PLCB4: variants seen among roughly 807,000 people sequenced by gnomAD.
PLCB4 encodes the protein 1-phosphatidylinositol 4,5-bisphosphate phosphodiesterase beta-4.
A neutral mutation model predicts 178.8 loss-of-function variants in PLCB4; 77 were observed. That is an observed-to-expected ratio of 0.43 (90% CI 0.36 to 0.52). PLCB4 has a LOEUF of 0.52. Ranked by LOEUF, PLCB4 falls within the 20% of genes least tolerant of loss-of-function variation. PLCB4 has a pLI of 0.00. For missense variants in PLCB4, 1,024 were observed against 1,453.4 expected (o/e 0.70, Z 4.80); for synonymous variants, 496 against 490.8 (o/e 1.01, Z -0.14).
At chr20:9,408,197 A>AC (rs2039587838) in intron 22 of PLCB4, 139 bp downstream of exon 22, 1 of 714,884 alleles carries the variant, frequency 1.4e-6, no homozygotes, top group African/African-American at 1.8e-5. Flanking sequence ...TGTTTCACAG[A>AC]CCATAGAAGC....
chr20:9,337,489 A>G (rs2032620540), intron 5 of PLCB4, among the ~76,000 whole-genome samples: 1 of 152,176 alleles, frequency 6.6e-6, no homozygotes. Context: ...GCTTAATTTA[A>G]TCTTGGGAGT....
chr20:9,077,412 C>G (rs1476951806), intron 1 of PLCB4, among the ~76,000 whole-genome samples: 1 of 152,200 alleles, frequency 6.6e-6, no homozygotes, highest in Non-Finnish European at 1.5e-5. Context: ...TGTGGAACCT[C>G]TGATTATGCA....
At chr20:9,182,486 C>T (rs1410136483) in intron 2 of PLCB4, among the ~76,000 whole-genome samples, 1 of 152,178 alleles carries the variant, frequency 6.6e-6, no homozygotes. Flanking sequence ...TCTCAGTAAC[C>T]CGGGAACCTG....
At chr20:9,397,177 C>T (rs2038657557) in intron 19 of PLCB4, among the ~76,000 whole-genome samples, 1 of 152,210 alleles carries the variant, frequency 6.6e-6, no homozygotes. Context: ...CAACAATGCT[C>T]ACAGTATCTT....
At chr20:9,391,530 T>G (rs550032240) in intron 17 of PLCB4, among the ~76,000 whole-genome samples, 3 of 152,314 alleles carry the variant, frequency 2.0e-5, no homozygotes, top group African/African-American at 7.2e-5. Flanking sequence ...TATGAGGTTC[T>G]TTTCAGAAGT....
intron 3 of PLCB4, among the ~76,000 whole-genome samples, chr20:9,236,912 A>G (rs1848307596): frequency 6.6e-6 from 1 of 152,208 alleles, no homozygotes; most frequent in African/African-American, 2.4e-5. Context: ...CCAGCCACAT[A>G]CAGATTACTC....
At chr20:9,384,440 T>C (rs1568700610) in intron 14 of PLCB4, 29 bp downstream of exon 14, 1 of 1,476,536 alleles carries the variant, frequency 6.8e-7, no homozygotes, top group Non-Finnish European at 9.5e-7. Context: ...CAATTTGTTT[T>C]TTGTGTGTGA....
rs1359145352 is a variant in PLCB4, at chr20:9,459,795, A to G, written c.3233A>G (p.Lys1078Arg). Residue 1078 changes from lysine (K) to arginine (R), a missense_variant, in exon 35 of 40, where the codon AAA becomes AGA. This residue lies in a region of PLCB4 where 264 missense variants were observed against 283.2 expected (regional missense o/e 0.93). Coordinates refer to ENST00000378473, the MANE Select transcript of PLCB4 (RefSeq NM_001377142.1). ...NAHEQQTQQLKLSHDRESKEM... is the reference protein window; with the variant it reads ...NAHEQQTQQLRLSHDRESKEM... The stretch of plus-strand genomic sequence containing the variant: ...CACGAGCAGCAAACCCAGCAGCTGA[A>G]ACTGTCCCATGACAGGTGGGGGAAT... 1 of 1,607,678 alleles carries G rather than the reference A, an allele frequency of 6.2e-7. No individual in the cohort carries two copies. Among genetic ancestry groups the G allele is most frequent in the Non-Finnish European group, 8.5e-7 (1 of 1,174,782 alleles).
chr20:9,225,039 C>T (rs746481309), intron 3 of PLCB4, among the ~76,000 whole-genome samples: 5 of 152,082 alleles, frequency 3.3e-5, no homozygotes, highest in Middle Eastern at 3.2e-3. Context: ...ATGCTGAGTT[C>T]TGCAACTTAT....
At chr20:9,264,633 C>T (rs6118549) in intron 3 of PLCB4, among the ~76,000 whole-genome samples, 4,989 of 152,188 alleles carry the variant, frequency 0.033, 141 homozygotes, top group African/African-American at 0.068. Context: ...CTGTATTTAT[C>T]AAAACAGTTT....
intron 1 of PLCB4, among the ~76,000 whole-genome samples, chr20:9,076,189 G>C (rs553552790): frequency 1.3e-5 from 2 of 152,048 alleles, no homozygotes; most frequent in African/African-American, 2.4e-5. Context: ...ACACCTGGCC[G>C]GGCGCGATGG....
upstream of PLCB4, chr20:9,068,737 G>GA (rs1242594172): frequency 6.6e-6 from 1 of 151,392 alleles, no homozygotes; most frequent in African/African-American, 2.4e-5. Flanking sequence ...CGGGAGGCGA[G>GA]AACGAGGAGG....
At chr20:9,352,204 T>C (rs1235346956) in intron 7 of PLCB4, among the ~76,000 whole-genome samples, 1 of 152,244 alleles carries the variant, frequency 6.6e-6, no homozygotes, top group East Asian at 1.9e-4. Flanking sequence ...AGTTGGTCTG[T>C]GGACTTTCAG....
chr20:9,425,353 A>T (rs2040926089), intron 28 of PLCB4, among the ~76,000 whole-genome samples: 1 of 152,258 alleles, frequency 6.6e-6, no homozygotes, highest in Non-Finnish European at 1.5e-5. Context: ...ATAAACCCAT[A>T]TGATGGAAGA....
intron 2 of PLCB4, among the ~76,000 whole-genome samples, chr20:9,207,422 GT>G (rs1312635922): frequency 1.3e-5 from 2 of 152,186 alleles, no homozygotes; most frequent in Non-Finnish European, 2.9e-5. Context: ...GTCCAACCTA[GT>G]CGTGCAAATG....
In PLCB4 at chr20:9,389,926, T is replaced by C; in HGVS notation, c.1206T>C (p.Tyr402=). ...IKETAFVTSE[Y]PVILSFENHC... ...AAACTGCATTTGTCACATCAGAATATCCTGTAATTCTCTCCTTTGAAAATC... is the reference window on the plus strand; with the variant it reads ...AAACTGCATTTGTCACATCAGAATACCCTGTAATTCTCTCCTTTGAAAATC... Residue 402 remains tyrosine, a synonymous_variant, in exon 16 of 40, where the codon TAT becomes TAC. Transcript: ENST00000378473. 2 of 1,577,392 alleles carry C rather than the reference T, an allele frequency of 1.3e-6. No homozygotes were observed. The highest frequency in any genetic ancestry group is 1.7e-4 in the Middle Eastern group (1 of 5,990).
chr20:9,365,613 T>A (rs1168335460), intron 9 of PLCB4, 99 bp downstream of exon 9: 12 of 610,254 alleles, frequency 2.0e-5, no homozygotes, highest in Non-Finnish European at 2.9e-5. Context: ...TGTTAAATGC[T>A]TTAAAGATAT....
chr20:9,477,425 T>C (rs2044620789), intron 39 of PLCB4, among the ~76,000 whole-genome samples: 1 of 152,230 alleles, frequency 6.6e-6, no homozygotes, highest in East Asian at 1.9e-4. Context: ...AATAGTCTTG[T>C]AATGTCCTAT....
intron 4 of PLCB4, among the ~76,000 whole-genome samples, chr20:9,327,258 G>A (rs901613718): frequency 6.6e-6 from 1 of 150,488 alleles, no homozygotes; most frequent in African/African-American, 2.5e-5. Flanking sequence ...GGACAACATA[G>A]CGAAACTCTG....
Sources: allele counts gnomAD v4.1 joint callset (sites outside exome capture counted in the v4.1 genomes callset), GRCh38; gene constraint gnomAD v4.1.1; regional missense constraint gnomAD v4.1.1; transcripts MANE v1.5; gene names NCBI Gene and HGNC (gene_info 2026-07-23, HGNC 2026-07-21).